Variants in SHANK2 observed in about 807,000 individuals in gnomAD.
SHANK2 encodes the protein SH3 and multiple ankyrin repeat domains 2, also known as SH3 and multiple ankyrin repeat domains protein 2.
A neutral mutation model predicts 133.7 loss-of-function variants in SHANK2; 43 were observed. That is an observed-to-expected ratio of 0.32 (90% CI 0.25 to 0.41). SHANK2 has a LOEUF of 0.41. Ranked by LOEUF, SHANK2 falls within the 10% of genes least tolerant of loss-of-function variation. The pLI is 1.00. For missense variants in SHANK2, 1,994 were observed against 2,235.8 expected (o/e 0.89, Z 2.18); for synonymous variants, 1,017 against 952.8 (o/e 1.07, Z -1.24).
At chr11:70,869,361 C>T (rs148393683) in intron 11 of SHANK2, among the ~76,000 whole-genome samples, 16 of 152,318 alleles carry the variant, frequency 1.1e-4, no homozygotes, top group African/African-American at 2.6e-4. Flanking sequence ...GACAATGTAT[C>T]GGTCCACAGG....
At chr11:71,073,127 G>GTTTT (rs1277169505) in intron 9 of SHANK2, among the ~76,000 whole-genome samples, 4 of 93,782 alleles carry the variant, frequency 4.3e-5, no homozygotes, top group African/African-American at 1.1e-4. Flanking sequence ...CTTGCTTTTT[G>GTTTT]TTTTTTTTCT....
intron 1 of SHANK2, among the ~76,000 whole-genome samples, chr11:71,225,031 C>A (rs1954617805): frequency 2.0e-5 from 3 of 152,152 alleles, no homozygotes; most frequent in African/African-American, 7.2e-5. Context: ...GAAGGCAGAC[C>A]AGCCAGGGAC....
At chr11:70,792,461 T>G (rs1555048269) in intron 14 of SHANK2, among the ~76,000 whole-genome samples, 1 of 151,920 alleles carries the variant, frequency 6.6e-6, no homozygotes, top group East Asian at 1.9e-4. Flanking sequence ...GACCACCATT[T>G]GATTTTGCTG....
chr11:70,553,267 A>T (rs2136092593), intron 17 of SHANK2, among the ~76,000 whole-genome samples: 1 of 151,710 alleles, frequency 6.6e-6, no homozygotes. Flanking sequence ...TTTTTTTTGT[A>T]ATTTTAGTAG....
chr11:70,911,017 G>A (rs782018712), intron 10 of SHANK2: 6 of 456,970 alleles, frequency 1.3e-5, no homozygotes, highest in East Asian at 6.9e-5. Context: ...TTGCAGAAAC[G>A]AAGGGGGTGC....
At position 71,113,263 on chromosome 11, in the gene SHANK2, C is replaced by T. The variant is rs1005584662; in HGVS notation, c.483+30G>A. ...AACAAGGAGGACGCCGCCTGCCTAA[C>T]GTGTAAATAACAGCCCGTTCCCTGC... On this transcript the variant is annotated intron_variant, in intron 5 of 25. Transcript: ENST00000601538. The T allele has an allele frequency of 1.1e-5, 17 of 1,543,196 alleles. No individual in the cohort carries two copies. The Admixed American group carries it at 2.0e-4, about 18-fold the overall frequency.
chr11:70,732,051 G>C (rs1401406700), intron 14 of SHANK2, among the ~76,000 whole-genome samples: 1 of 152,040 alleles, frequency 6.6e-6, no homozygotes, highest in Non-Finnish European at 1.5e-5. Flanking sequence ...ACACCCCCAG[G>C]GTGACCTGCT....
intron 17 of SHANK2, among the ~76,000 whole-genome samples, chr11:70,581,840 CTG>C: frequency 6.6e-6 from 1 of 152,246 alleles, no homozygotes; most frequent in East Asian, 1.9e-4. Context: ...CAGCTCTGAG[CTG>C]TGTGAGCGGT....
At chr11:70,521,157 C>G (rs1390175180) in intron 17 of SHANK2, among the ~76,000 whole-genome samples, 1 of 152,168 alleles carries the variant, frequency 6.6e-6, no homozygotes, top group Non-Finnish European at 1.5e-5. Flanking sequence ...TACTTATTTT[C>G]TTTTATATTG....
intron 8 of SHANK2, among the ~76,000 whole-genome samples, chr11:71,090,679 TTA>T (rs1441132121): frequency 2.0e-5 from 3 of 150,760 alleles, no homozygotes; most frequent in Non-Finnish European, 4.4e-5. Flanking sequence ...ATAGATACAT[TTA>T]TATGTTATAT....
chr11:70,568,652 C>CCCG (rs1554982478), intron 17 of SHANK2, among the ~76,000 whole-genome samples: 2 of 128,542 alleles, frequency 1.6e-5, no homozygotes, highest in African/African-American at 2.7e-5. Flanking sequence ...TCCTGCCCCC[C>CCCG]CCGCCCACTT....
intron 2 of SHANK2, among the ~76,000 whole-genome samples, chr11:71,216,235 T>A (rs1421013280): frequency 6.6e-6 from 1 of 152,184 alleles, no homozygotes; most frequent in Non-Finnish European, 1.5e-5. Flanking sequence ...GTGATAAACA[T>A]AATATTGGAT....
chr11:70,547,870 C>A (rs767740275), intron 17 of SHANK2, among the ~76,000 whole-genome samples: 2 of 152,206 alleles, frequency 1.3e-5, no homozygotes, highest in African/African-American at 2.4e-5. Context: ...TTGGCAAGCC[C>A]CTGCAAGCCC....
chr11:71,139,152 C>T (rs1206125839), intron 3 of SHANK2, among the ~76,000 whole-genome samples: 1 of 152,174 alleles, frequency 6.6e-6, no homozygotes, highest in Non-Finnish European at 1.5e-5. Flanking sequence ...TTTCCCTGAG[C>T]GTCTGCTGGG....
chr11:71,088,903 C>G (rs1355441012), intron 8 of SHANK2, among the ~76,000 whole-genome samples: 2 of 147,944 alleles, frequency 1.4e-5, no homozygotes, highest in Non-Finnish European at 3.0e-5. Flanking sequence ...GGTGACTGCA[C>G]CACCCCACCA....
intron 17 of SHANK2, among the ~76,000 whole-genome samples, chr11:70,544,118 C>T (rs2059658547): frequency 6.6e-6 from 1 of 152,174 alleles, no homozygotes; most frequent in Non-Finnish European, 1.5e-5. Flanking sequence ...AGGAAACAGC[C>T]TATTTGGAAA....
intron 17 of SHANK2, among the ~76,000 whole-genome samples, chr11:70,543,033 G>A (rs1173695441): frequency 6.6e-6 from 1 of 152,202 alleles, no homozygotes; most frequent in Non-Finnish European, 1.5e-5. Flanking sequence ...TGCGCTGGGT[G>A]AGGAGGCAGA....
At chr11:70,658,242 CACAG>C (rs1266781316) in intron 17 of SHANK2, among the ~76,000 whole-genome samples, 835 of 70,850 alleles carry the variant, frequency 0.012, 1 homozygote, top group Non-Finnish European at 0.019. Context: ...CACACACACA[CACAG>C]ACACACACAC....
chr11:71,091,543 T>C lies in SHANK2; in HGVS notation c.912+879A>G, dbSNP rs190525694. On this transcript the variant is annotated intron_variant, in intron 8 of 25. Coordinates refer to ENST00000601538, the MANE Select transcript of SHANK2 (RefSeq NM_012309.5). ...CTCTGTCCTTGACCTCCCCTTGCTG[T>C]TCCAGAGCCTCCTCTTGACCTCCTA... 1.3e-3 allele frequency among the ~76,000 whole-genome samples: 198 copies of C among 152,272 alleles called. 1 individual carries two copies. The highest frequency in any genetic ancestry group is 4.2e-3 in the African/African-American group (174 of 41,558).
Sources: gnomAD v4.1 joint callset for allele counts (sites outside exome capture counted in the v4.1 genomes callset) on GRCh38, gnomAD v4.1.1 for gene constraint, MANE v1.5 for transcripts, NCBI Gene and HGNC (gene_info 2026-07-23, HGNC 2026-07-21) for gene names.